The following ROBO2 variants were observed in gnomAD, a reference collection of about 807,000 sequenced individuals.
ROBO2 encodes the protein roundabout homolog 2.
A neutral mutation model predicts 160.8 loss-of-function variants in ROBO2; 53 were observed. That is an observed-to-expected ratio of 0.33 (90% CI 0.26 to 0.41). The LOEUF (loss-of-function observed/expected upper bound fraction) is 0.41. Ranked by LOEUF, ROBO2 falls within the 10% of genes least tolerant of loss-of-function variation. The pLI is 1.00. For missense variants in ROBO2, 1,577 were observed against 1,722.4 expected, an observed-to-expected ratio of 0.92 and a Z score of 1.49; for synonymous variants, 664 against 611.7, an observed-to-expected ratio of 1.09 and a Z score of -1.26.
intron 4 of ROBO2, among the ~76,000 whole-genome samples, chr3:77,483,981 T>G (rs2085018520): frequency 6.6e-6 from 1 of 151,832 alleles, no homozygotes; most frequent in Non-Finnish European, 1.5e-5. Flanking sequence ...TTGTATAGTT[T>G]AAAATTTCAG....
chr3:76,263,233 AGTCC>A (rs1706879149), intron 2 of ROBO2, among the ~76,000 whole-genome samples: 1 of 152,056 alleles, frequency 6.6e-6, no homozygotes, highest in African/African-American at 2.4e-5. Flanking sequence ...ATGGTACAAT[AGTCC>A]TTTTTTTTGG....
chr3:77,276,699 C>A (rs2153364612), intron 2 of ROBO2, among the ~76,000 whole-genome samples: 1 of 152,242 alleles, frequency 6.6e-6, no homozygotes, highest in South Asian at 2.1e-4. Context: ...CCAGCCTGGG[C>A]AACTGGAGTC....
intron 2 of ROBO2, among the ~76,000 whole-genome samples, chr3:76,648,678 G>A (rs2091102343): frequency 6.6e-6 from 1 of 151,822 alleles, no homozygotes; most frequent in Non-Finnish European, 1.5e-5. Context: ...AGATATATGA[G>A]GTCAGGTATC....
At chr3:76,074,878 T>A (rs531372687) in intron 2 of ROBO2, among the ~76,000 whole-genome samples, 7 of 152,232 alleles carry the variant, frequency 4.6e-5, no homozygotes, top group Non-Finnish European at 8.8e-5. Flanking sequence ...AGATTACTTT[T>A]AAAAAATGTT....
In ROBO2 at chr3:77,232,615, C is replaced by T. The variant is rs140875890; in HGVS notation, c.388+134275C>T. Among the ~76,000 whole-genome samples, 246 of 152,144 alleles carry T rather than the reference C, an allele frequency of 1.6e-3. 3 individuals are homozygous for T. The highest frequency in any genetic ancestry group is 5.6e-3 in the African/African-American group (231 of 41,516). ...CATTTGTATGCTACATGGAATTACC[C>T]AGGATTGAGGGAGGCATTACCTGTG... On this transcript the variant is annotated intron_variant, in intron 2 of 25. Coordinates refer to ENST00000461745, the Ensembl canonical transcript of ROBO2.
intron 24 of ROBO2, among the ~76,000 whole-genome samples, chr3:77,639,590 T>G (rs2095317756): frequency 6.6e-6 from 1 of 152,134 alleles, no homozygotes; most frequent in African/African-American, 2.4e-5. Context: ...GCTTGAGACT[T>G]ATTTGATAAA....
chr3:77,281,198 A>G (rs1374589368), intron 2 of ROBO2, among the ~76,000 whole-genome samples: 2 of 152,234 alleles, frequency 1.3e-5, no homozygotes, highest in Non-Finnish European at 2.9e-5. Flanking sequence ...TCATTTTCCT[A>G]TAAACATGTA....
chr3:76,312,069 G>A (rs1332940768), intron 2 of ROBO2, among the ~76,000 whole-genome samples: 1 of 152,136 alleles, frequency 6.6e-6, no homozygotes, highest in Non-Finnish European at 1.5e-5. Flanking sequence ...TTCCCCGAAT[G>A]CCATTTGTTT....
intron 2 of ROBO2, among the ~76,000 whole-genome samples, chr3:76,250,461 T>A (rs1332892479): frequency 6.6e-6 from 1 of 152,102 alleles, no homozygotes; most frequent in Non-Finnish European, 1.5e-5. Context: ...TATCATATTT[T>A]AGGGAAGTGT....
At chr3:77,495,474 A>G (rs1006851808) in intron 5 of ROBO2, among the ~76,000 whole-genome samples, 1 of 152,048 alleles carries the variant, frequency 6.6e-6, no homozygotes, top group Admixed American at 6.5e-5. Context: ...TCCTCTTTCT[A>G]CTCCAAGTCC....
At chr3:77,399,882 C>T (rs1217181616) in intron 2 of ROBO2, among the ~76,000 whole-genome samples, 2 of 152,154 alleles carry the variant, frequency 1.3e-5, no homozygotes, top group Non-Finnish European at 2.9e-5. Flanking sequence ...TCACACAGCT[C>T]TAGGAGTCAT....
At chr3:76,798,237 GAAAA>G (rs1290200446) in intron 2 of ROBO2, among the ~76,000 whole-genome samples, 3 of 71,820 alleles carry the variant, frequency 4.2e-5, no homozygotes, top group Admixed American at 1.6e-4. Context: ...GAGAAAGAAA[GAAAA>G]AAAGAAGAAA....
chr3:76,448,966 A>G (rs1226510712), intron 2 of ROBO2, among the ~76,000 whole-genome samples: 1 of 141,450 alleles, frequency 7.1e-6, no homozygotes, highest in Non-Finnish European at 1.5e-5. Flanking sequence ...TACGTTCCAT[A>G]CAAGGGATAC....
At chr3:76,802,874 A>G (rs1262316902) in intron 2 of ROBO2, among the ~76,000 whole-genome samples, 1 of 152,208 alleles carries the variant, frequency 6.6e-6, no homozygotes, top group East Asian at 1.9e-4. Context: ...CATATGCCAC[A>G]TGAGTGAAGC....
chr3:77,481,603 G>A (rs9874199), intron 4 of ROBO2, among the ~76,000 whole-genome samples: 2 of 152,046 alleles, frequency 1.3e-5, no homozygotes, highest in Middle Eastern at 3.2e-3. Context: ...AGAGAGTATA[G>A]TATAAAAAAA....
chr3:76,992,364 TA>T (rs869057114), intron 2 of ROBO2, among the ~76,000 whole-genome samples: 4,289 of 59,328 alleles, frequency 0.072, 176 homozygotes, highest in East Asian at 0.13. Context: ...TATATATATA[TA>T]TATAAATTTA....
intron 1 of ROBO2, among the ~76,000 whole-genome samples, chr3:75,932,198 C>T (rs1198622906): frequency 1.3e-5 from 2 of 152,154 alleles, no homozygotes; most frequent in Non-Finnish European, 2.9e-5. Context: ...GACTTTAGGG[C>T]TCTGTGGCTC....
At chr3:77,450,899 T>A (rs543131140) in intron 2 of ROBO2, among the ~76,000 whole-genome samples, 3 of 151,626 alleles carry the variant, frequency 2.0e-5, no homozygotes, top group Non-Finnish European at 4.4e-5. Flanking sequence ...AAATTCGGAG[T>A]ATAGTGAAAT....
At chr3:76,348,539 A>G (rs1197814162) in intron 2 of ROBO2, among the ~76,000 whole-genome samples, 1 of 152,160 alleles carries the variant, frequency 6.6e-6, no homozygotes, top group Non-Finnish European at 1.5e-5. Flanking sequence ...AGCCCTTGGC[A>G]TCAGCAAAAG....
Sources: gnomAD v4.1 joint callset for allele counts (sites outside exome capture counted in the v4.1 genomes callset) on GRCh38, gnomAD v4.1.1 for gene constraint, MANE v1.5 for transcripts, NCBI Gene and HGNC (gene_info 2026-07-23, HGNC 2026-07-21) for gene names.